ZNF891: variants seen among roughly 807,000 people sequenced by gnomAD.
The protein encoded by ZNF891 is zinc finger protein 891, also known as hCG1646157.
For missense variants in ZNF891, 589 were observed against 632.7 expected, an observed-to-expected ratio of 0.93 and a Z score of 0.74; for synonymous variants, 199 against 209.0, an observed-to-expected ratio of 0.95 and a Z score of 0.41.
In ZNF891 at chr12:133,121,692, T is replaced by C. The variant is rs1955762559; in HGVS notation, c.227A>G (p.Tyr76Cys). ...SLYRDVMLEN[Y>C]RNLTSVEYQL... ...ATATTCCACGGAGGTGAGATTTCTA[T>C]AGTTTTCCAACATCACATCTCTGTA... Residue 76 changes from tyrosine (Y) to cysteine (C), a missense_variant, in exon 2 of 2, where the codon TAT becomes TGT. Coordinates refer to ENST00000537226, the MANE Select transcript of ZNF891 (RefSeq NM_001277291.2). 1.3e-6 allele frequency: 2 copies of C among 1,536,432 alleles called. No homozygotes were observed. Among genetic ancestry groups the C allele is most frequent in the South Asian group, 1.2e-5 (1 of 84,062 alleles).
chr12:133,126,641 T>C (rs886464614), intron 1 of ZNF891, among the ~76,000 whole-genome samples: 13 of 135,728 alleles, frequency 9.6e-5, no homozygotes, highest in Non-Finnish European at 1.9e-4. Flanking sequence ...TGAAACCCCG[T>C]CTCAAATAAA....
At position 133,106,425 on chromosome 12, in the gene ZNF891, A is replaced by G. The variant is rs768146427; in HGVS notation, c.*13859T>C. The stretch of plus-strand genomic sequence containing the variant: ...CATACGAAGAGTCACACTGGAGAGA[A>G]ACCCTATGCGTGTGCTGAATGTGAT... On this transcript the variant is annotated 3_prime_UTR_variant, in exon 2 of 2. Transcript: ENST00000537226. The G allele has an allele frequency of 1.2e-6, 2 of 1,614,134 alleles. No homozygotes were observed. The highest frequency in any genetic ancestry group is 2.2e-5 in the South Asian group (2 of 91,082).
At chr12:133,129,939 C>G (rs1434340477) in intron 1 of ZNF891, among the ~76,000 whole-genome samples, 1 of 152,188 alleles carries the variant, frequency 6.6e-6, no homozygotes, top group Non-Finnish European at 1.5e-5. Context: ...GAGAAGGAGG[C>G]AAACGCGCAT....
intron 1 of ZNF891, among the ~76,000 whole-genome samples, chr12:133,129,837 G>T (rs1593834298): frequency 6.6e-6 from 1 of 152,274 alleles, no homozygotes; most frequent in South Asian, 2.1e-4. Flanking sequence ...TGAAAAAAAC[G>T]ATGGCTGTGA....
rs1486510868 is a variant in ZNF891, at chr12:133,121,637, T to TG, written c.281dup (p.Leu95IlefsTer26). On this transcript the variant is annotated frameshift_variant, in exon 2 of 2. Coordinates refer to ENST00000537226, the MANE Select transcript of ZNF891 (RefSeq NM_001277291.2). LOFTEE classifies it low-confidence loss of function (END_TRUNC). ...TATTCCTTATCTCTTCTTGATCCAA[T>TG]GGGGAGATCACAGTAAGCCTGTACA... The TG allele has an allele frequency of 2.0e-6, 3 of 1,536,310 alleles. No individual in the cohort carries two copies. The highest frequency in any genetic ancestry group is 2.6e-6 in the Non-Finnish European group (3 of 1,146,962).
At chr12:133,128,837 AT>A (rs1246572082) in intron 1 of ZNF891, among the ~76,000 whole-genome samples, 1 of 151,538 alleles carries the variant, frequency 6.6e-6, no homozygotes, top group Admixed American at 6.6e-5. Flanking sequence ...TAAAAGAAAA[AT>A]TTAAAAATTA....
In ZNF891 at chr12:133,121,971, T is replaced by C; in HGVS notation, c.-53A>G. The C allele has an allele frequency of 4.1e-6, 6 of 1,449,112 alleles. No homozygotes were observed. The South Asian group carries it at 7.3e-5, about 18-fold the overall frequency. The allele number at this position is 1,449,112 out of a possible 1,614,324, so 89.8% of individuals were successfully genotyped here. ...GAGTAGAGAGATCAGGATGTTTCTGTTCTTGTGTCTCCAATCCAGTCACAG... is the reference window on the plus strand; with the variant it reads ...GAGTAGAGAGATCAGGATGTTTCTGCTCTTGTGTCTCCAATCCAGTCACAG... On this transcript the variant is annotated 5_prime_UTR_variant, in exon 2 of 2. Transcript: ENST00000537226.
In ZNF891 at chr12:133,120,532, T is replaced by G. The variant is rs752508273; in HGVS notation, c.1387A>C (p.Ser463Arg). The G allele has an allele frequency of 1.3e-6, 2 of 1,572,338 alleles. No homozygotes were observed. The highest frequency in any genetic ancestry group is 2.7e-5 in the African/African-American group (2 of 73,606). Reference sequence around the variant, plus strand: ...CCACTGAAAACTTTCCCACAGTCACTGCATTCATAAACATTCTCTCCGGTA... The same window carrying G: ...CCACTGAAAACTTTCCCACAGTCACGGCATTCATAAACATTCTCTCCGGTA... ...IHTGENVYEC[S>R]DCGKVFSGVS... Residue 463 changes from serine to arginine, a missense_variant, in exon 2 of 2, where the codon AGT becomes CGT. Ser to Arg is a moderately radical substitution (Grantham distance 110). Transcript: ENST00000537226.
At chr12:133,125,805 C>T (rs1955809708) in intron 1 of ZNF891, 50 of 491,168 alleles carry the variant, frequency 1.0e-4, no homozygotes, top group South Asian at 6.9e-4. Context: ...TCAACATGCC[C>T]TCCTCACAGG....
chr12:133,120,890 C>T lies in ZNF891; in HGVS notation c.1029G>A (p.Met343Ile). 6.5e-7 allele frequency: 1 copy of T among 1,539,748 alleles called. No individual in the cohort carries two copies. Among genetic ancestry groups the T allele is most frequent in the Non-Finnish European group, 8.7e-7 (1 of 1,147,056 alleles). The change falls in exon 2 of 2, where the codon ATG becomes ATA. Residue 343 changes from methionine (M) to isoleucine (I), a missense_variant. Coordinates refer to ENST00000537226, the MANE Select transcript of ZNF891 (RefSeq NM_001277291.2). ...SNLTLYKKSH[M>I]GEKQYECKEC... ...CTTTACATTCATATTGTTTCTCACC[C>T]ATGTGACTTTTCTTGTATAAAGTAA...
In ZNF891 at chr12:133,110,487, A is replaced by G. The variant is rs778336869; in HGVS notation, c.*9797T>C. ...GGCGACAGAACAACAGATGCAATCA[A>G]TATTAGTAAAGAATAGTCATGGGAG... On this transcript the variant is annotated 3_prime_UTR_variant, in exon 2 of 2. Transcript: ENST00000537226. 6.6e-6 allele frequency: 1 copy of G among 152,282 alleles called. No homozygotes were observed. Among genetic ancestry groups the G allele is most frequent in the Admixed American group, 6.5e-5 (1 of 15,292 alleles). 9.4% of individuals were successfully genotyped at this position (152,282 alleles called of 1,614,324 possible).
rs140368289 is a variant in ZNF891, at chr12:133,106,243, C to G, written c.*14041G>C. The G allele has an allele frequency of 1.5e-5, 25 of 1,614,024 alleles. No individual in the cohort carries two copies. The African/African-American group carries it at 1.9e-4, about 12-fold the overall frequency. ...CACACCTTACTCGACATCAGAGCAT[C>G]CATACAACCAAAACCCCGTATGAAT... is the stretch of plus-strand genomic sequence containing the variant. On this transcript the variant is annotated 3_prime_UTR_variant, in exon 2 of 2. Transcript: ENST00000537226.
In ZNF891 at chr12:133,114,986, A is replaced by G. The variant is rs1457746322; in HGVS notation, c.*5298T>C. On this transcript the variant is annotated 3_prime_UTR_variant, in exon 2 of 2. Transcript: ENST00000537226. ...CAATATTATTGATTGCAGTATTGTT[A>G]TAAAAACTCTGGAGGCAAATGGATC... 2 of 152,248 alleles carry G rather than the reference A, an allele frequency of 1.3e-5. No homozygotes were observed. Among genetic ancestry groups the G allele is most frequent in the Admixed American group, 1.3e-4 (2 of 15,280 alleles). 9.4% of individuals were successfully genotyped at this position (152,248 alleles called of 1,614,324 possible). A position where few individuals can be genotyped will look rare whatever the true frequency, so the allele number is the denominator to read the frequency against.
At chr12:133,124,542 C>G (rs1289728421) in intron 1 of ZNF891, among the ~76,000 whole-genome samples, 1 of 151,444 alleles carries the variant, frequency 6.6e-6, no homozygotes, top group African/African-American at 2.4e-5. Context: ...ACTAGAATAT[C>G]AAGAATAATG....
intron 1 of ZNF891, among the ~76,000 whole-genome samples, chr12:133,123,183 C>CT (rs1198762468): frequency 6.6e-6 from 1 of 152,136 alleles, no homozygotes; most frequent in Non-Finnish European, 1.5e-5. Flanking sequence ...AGACAAAGAT[C>CT]TTTATCAGGT....
At chr12:133,129,230 G>A (rs984353025) in intron 1 of ZNF891, among the ~76,000 whole-genome samples, 1 of 152,054 alleles carries the variant, frequency 6.6e-6, no homozygotes, top group South Asian at 2.1e-4. Context: ...GGCCGGGTGC[G>A]GTGGCTCACG....
chr12:133,121,258 A>G lies in ZNF891; in HGVS notation c.661T>C (p.Ser221Pro), dbSNP rs1434594883. The change falls in exon 2 of 2, where the codon TCA becomes CCA. Residue 221 changes from serine (S) to proline (P), a missense_variant. By Grantham distance (74) the Ser-to-Pro change is moderately conservative. Transcript: ENST00000537226. ...TTGTGTTTCAAACATCCAATCTCTG[A>G]GTAACATTTTTGGCAATGTTTACTG... ...FTSKHCQKCY[S>P]EIGCLKHNSI... 4 of 1,535,584 alleles carry G rather than the reference A, an allele frequency of 2.6e-6. No homozygotes were observed. In the Admixed American group the frequency reaches 7.9e-5, roughly 30 times the overall value.
At position 133,116,452 on chromosome 12, in the gene ZNF891, GGCT is replaced by G. The variant is rs1309378094; in HGVS notation, c.*3829_*3831del. On this transcript the variant is annotated 3_prime_UTR_variant, in exon 2 of 2. Transcript: ENST00000537226. ...TGATGGCTAGTGCTATACCCACCAGGGCTGCTAACACCTGAAACCACTTGGTTT... is the reference window on the plus strand; with the variant it reads ...TGATGGCTAGTGCTATACCCACCAGGGCTAACACCTGAAACCACTTGGTTT... 2.0e-5 allele frequency: 3 copies of G among 152,130 alleles called. No individual in the cohort carries two copies. Among genetic ancestry groups the G allele is most frequent in the African/African-American group, 4.8e-5 (2 of 41,406 alleles). The allele number at this position is 152,130 out of a possible 1,614,324, so 9.4% of individuals were successfully genotyped here.
Position 133,111,490 on chromosome 12 carries a change from A to ACTGT in ZNF891, c.*8790_*8793dup, listed in dbSNP as rs888294654. The stretch of plus-strand genomic sequence containing the variant: ...ACTCCAGTCTGGGCAAGAGTGAGAC[A>ACTGT]CTGTCTCAAAAAAAGGGAGAAATAA... On this transcript the variant is annotated 3_prime_UTR_variant, in exon 2 of 2. Transcript: ENST00000537226. 1 of 152,210 alleles carries ACTGT rather than the reference A, an allele frequency of 6.6e-6. No homozygotes were observed. The highest frequency in any genetic ancestry group is 6.5e-5 in the Admixed American group (1 of 15,284). The allele number at this position is 152,210 out of a possible 1,614,324, so 9.4% of individuals were successfully genotyped here. A position where few individuals can be genotyped will look rare whatever the true frequency, so the allele number is the denominator to read the frequency against.
Sources: allele counts gnomAD v4.1 joint callset (sites outside exome capture counted in the v4.1 genomes callset), GRCh38; gene constraint gnomAD v4.1.1; transcripts MANE v1.5; gene names NCBI Gene and HGNC (gene_info 2026-07-23, HGNC 2026-07-21).